Variants in SPTAN1 observed in about 807,000 individuals in gnomAD.
SPTAN1 encodes the protein spectrin alpha, non-erythrocytic 1, also known as spectrin alpha chain, non-erythrocytic 1.
In SPTAN1, 61 loss-of-function variants were observed where a neutral mutation model predicts 331.3. The observed-to-expected ratio is 0.18, with a 90% CI of 0.15 to 0.23. The LOEUF is 0.23. SPTAN1 is among the 10% of genes least tolerant of loss of function. SPTAN1 has a pLI of 1.00. For synonymous variants in SPTAN1, 1,153 were observed against 1,173.9 expected, an observed-to-expected ratio of 0.98 and a Z score of 0.36; for missense variants, 2,043 against 3,147.9, an observed-to-expected ratio of 0.65 and a Z score of 8.40.
At chr9:128,561,201 TAAAAAG>T (rs1350751646) in intron 1 of SPTAN1, among the ~76,000 whole-genome samples, 1 of 145,354 alleles carries the variant, frequency 6.9e-6, no homozygotes, top group Non-Finnish European at 1.5e-5. Context: ...GCCTGTCTCT[TAAAAAG>T]AAGAGAAATA....
chr9:128,629,266 G>T lies in SPTAN1; in HGVS notation c.6708-1055G>T. The T allele has an allele frequency of 2.5e-6, 1 of 397,926 alleles. No homozygotes were observed. The highest frequency in any genetic ancestry group is 3.6e-5 in the East Asian group (1 of 28,030). The allele number at this position is 397,926 out of a possible 1,614,324, so 24.6% of individuals were successfully genotyped here. ...TGACATCCCCAGGCGGCTCCACCCT[G>T]ACTAACCTGCCGCCCTCGGCTGCTT... On this transcript the variant is annotated intron_variant, in intron 51 of 56. Coordinates refer to ENST00000372739, the MANE Select transcript of SPTAN1 (RefSeq NM_001130438.3). The surrounding 1 kb of genome is among the most constrained non-coding windows in gnomAD (Gnocchi z 4.9).
chr9:128,599,485 T>TG (rs1255836707), intron 26 of SPTAN1: 1 of 174,438 alleles, frequency 5.7e-6, no homozygotes, highest in Non-Finnish European at 1.2e-5. Flanking sequence ...AAAGTTGGTT[T>TG]TTTTTTTTTT....
In SPTAN1 at chr9:128,578,261, G is replaced by T. The variant is rs1338468792; in HGVS notation, c.1221+16G>T. The stretch of plus-strand genomic sequence containing the variant: ...AGAGCACAAGGTAATGGTATCTCTA[G>T]AATCTTCCAGAAGTGAAGATTTTAG... On this transcript the variant is annotated intron_variant, in intron 9 of 56. Coordinates refer to ENST00000372739, the MANE Select transcript of SPTAN1 (RefSeq NM_001130438.3). 1 of 1,613,662 alleles carries T rather than the reference G, an allele frequency of 6.2e-7. No individual in the cohort carries two copies. The highest frequency in any genetic ancestry group is 8.5e-7 in the Non-Finnish European group (1 of 1,179,894).
chr9:128,582,134 G>C (rs547682941), intron 12 of SPTAN1, among the ~76,000 whole-genome samples: 1 of 152,256 alleles, frequency 6.6e-6, no homozygotes, highest in South Asian at 2.1e-4. Context: ...ATTAAAAGTA[G>C]GTCAGGGTTA....
At chr9:128,603,000 TGTTG>T (rs1855372761) in intron 27 of SPTAN1, among the ~76,000 whole-genome samples, 2 of 152,202 alleles carry the variant, frequency 1.3e-5, no homozygotes, top group African/African-American at 4.8e-5. Flanking sequence ...AAATGTACGT[TGTTG>T]AAATGTACGT....
At chr9:128,608,425 TTCTGG>T in intron 34 of SPTAN1, 149 bp downstream of exon 34, 1 of 1,054,232 alleles carries the variant, frequency 9.5e-7, no homozygotes, top group Non-Finnish European at 1.3e-6. Flanking sequence ...ACTTTATAGA[TTCTGG>T]TATTTCTGAG....
rs1856143692 is a variant in SPTAN1, at chr9:128,608,214, C to T, written c.4429C>T (p.Leu1477=). 6.2e-7 allele frequency: 1 copy of T among 1,614,168 alleles called. No homozygotes were observed. Among genetic ancestry groups the T allele is most frequent in the Non-Finnish European group, 8.5e-7 (1 of 1,180,038 alleles). ...GAATACCGAAGACAAAGGAGACTCACTGGACAGCGTAGAGGCTCTGATCAA... is the reference window on the plus strand; with the variant it reads ...GAATACCGAAGACAAAGGAGACTCATTGGACAGCGTAGAGGCTCTGATCAA... ...FLNTEDKGDS[L]DSVEALIKKH... The change falls in exon 34 of 57, where the codon CTG becomes TTG. Residue 1477 remains leucine, a synonymous_variant. Coordinates refer to ENST00000372739, the MANE Select transcript of SPTAN1 (RefSeq NM_001130438.3).
chr9:128,631,958 G>C (rs1001753338), intron 52 of SPTAN1, 169 bp from the exon 53 acceptor site: 15 of 675,638 alleles, frequency 2.2e-5, no homozygotes, highest in Non-Finnish European at 3.3e-5. Context: ...TGAGGTGGTT[G>C]GGATTTCTTC....
At chr9:128,618,837 T>C in intron 43 of SPTAN1, 34 bp from the exon 44 acceptor site, 2 of 1,614,074 alleles carry the variant, frequency 1.2e-6, no homozygotes, top group African/African-American at 1.3e-5. Context: ...TGGAGGAGAT[T>C]ATGGCTGATT....
chr9:128,628,586 G>T (rs1413833828), intron 51 of SPTAN1: 2 of 201,626 alleles, frequency 9.9e-6, no homozygotes, highest in Non-Finnish European at 2.0e-5. Flanking sequence ...GGACTTCTCT[G>T]CTTGGCCTGG....
intron 1 of SPTAN1, among the ~76,000 whole-genome samples, chr9:128,565,756 G>A (rs73669921): frequency 8.5e-4 from 129 of 152,304 alleles, no homozygotes; most frequent in African/African-American, 3.0e-3. Flanking sequence ...TGTTTCCAGG[G>A]TAACACAATT....
In SPTAN1 at chr9:128,632,386, C is replaced by T. The variant is rs1859898798; in HGVS notation, c.6960-45C>T. The T allele has an allele frequency of 2.5e-6, 4 of 1,613,250 alleles. No homozygotes were observed. The Admixed American group carries it at 5.0e-5, about 20-fold the overall frequency. On this transcript the variant is annotated intron_variant, in intron 53 of 56. Transcript: ENST00000372739. The stretch of plus-strand genomic sequence containing the variant: ...CAGGGGGAGGAAAAGACACAGTCAC[C>T]TGCTGTGTGGAGGGTCTGTTCCCTA...
rs1415896150 is a variant in SPTAN1, at chr9:128,625,825, T to C, written c.6126T>C (p.Thr2042=). 5 of 1,614,074 alleles carry C rather than the reference T, an allele frequency of 3.1e-6. No homozygotes were observed. The highest frequency in any genetic ancestry group is 4.2e-6 in the Non-Finnish European group (5 of 1,180,030). ...AGCAGGAAGGCATTGCCAACATCAC[T>C]GCCCTCAAAGATCAGCTTCTCGCCG... ...AFQQEGIANI[T]ALKDQLLAAK... Residue 2042 remains threonine (T), a synonymous_variant, in exon 48 of 57, where the codon ACT becomes ACC. Coordinates refer to ENST00000372739, the MANE Select transcript of SPTAN1 (RefSeq NM_001130438.3). The surrounding 1 kb of genome is among the most constrained non-coding windows in gnomAD (Gnocchi z 4.1).
intron 18 of SPTAN1, 140 bp from the exon 19 acceptor site, chr9:128,585,608 A>G: frequency 1.3e-6 from 1 of 769,586 alleles, no homozygotes; most frequent in Non-Finnish European, 2.2e-6. Flanking sequence ...GCCTCTCAAA[A>G]AAAATGGAAT....
intron 1 of SPTAN1, among the ~76,000 whole-genome samples, chr9:128,562,992 G>GTGTATATATATA (rs1849578770): frequency 3.2e-4 from 1 of 3,114 alleles, no homozygotes; most frequent in African/African-American, 3.9e-4. Flanking sequence ...ACATGTATGT[G>GTGTATATATATA]TATATATATA....
chr9:128,609,325 A>G (rs1313094357), intron 36 of SPTAN1, 41 bp downstream of exon 36: 1 of 1,613,782 alleles, frequency 6.2e-7, no homozygotes, highest in East Asian at 2.2e-5. Flanking sequence ...ATGTAGCCTT[A>G]TGTTATTGAG....
At chr9:128,599,357 A>T in intron 26 of SPTAN1, 1 of 295,152 alleles carries the variant, frequency 3.4e-6, no homozygotes, top group East Asian at 8.2e-5. Flanking sequence ...CTGGTCTCGA[A>T]CTCCCAACCT....
rs746570112 is a variant in SPTAN1 at position 128,588,801 on chromosome 9, A to G, written c.2872-8A>G. 6.2e-7 allele frequency: 1 copy of G among 1,613,748 alleles called. No individual in the cohort carries two copies. Among genetic ancestry groups the G allele is most frequent in the South Asian group, 1.1e-5 (1 of 91,074 alleles). ...TTTACCATGTTTGCCCTTCCTTTGG[A>G]TTTTTAGCAACAAGTGGCCCCCACG... On this transcript the variant is annotated splice_polypyrimidine_tract_variant and splice_region_variant and intron_variant, in intron 20 of 56. Transcript: ENST00000372739.
intron 1 of SPTAN1, among the ~76,000 whole-genome samples, chr9:128,564,596 T>TAAAA (rs1849798709): frequency 6.6e-6 from 1 of 151,364 alleles, no homozygotes; most frequent in Admixed American, 6.6e-5. Flanking sequence ...AATAAATAAA[T>TAAAA]AAAAATCTGG....
Sources: allele counts gnomAD v4.1 joint callset (sites outside exome capture counted in the v4.1 genomes callset), GRCh38; gene constraint gnomAD v4.1.1; non-coding constraint Gnocchi (gnomAD v3.1); transcripts MANE v1.5; gene names NCBI Gene and HGNC (gene_info 2026-07-23, HGNC 2026-07-21).